Variants in PNPLA5 observed in about 807,000 individuals in gnomAD.
The protein encoded by PNPLA5 is patatin like domain 5, triacylglycerol lipase, also known as patatin-like phospholipase domain-containing protein 5.
Under a neutral mutation model 49.1 loss-of-function variants are expected in PNPLA5, and 44 were observed. The ratio of observed to expected loss-of-function variants is 0.90; its 90% CI spans 0.70 to 1.15. The LOEUF (loss-of-function observed/expected upper bound fraction) is 1.15. PNPLA5 is among the 50% of genes most tolerant of loss of function. PNPLA5 has a pLI of 0.00. For synonymous variants in PNPLA5, 243 were observed against 244.4 expected (o/e 0.99, Z 0.06); for missense variants, 603 against 564.0 (o/e 1.07, Z -0.70).
chr22:43,889,242 C>T, intron 4 of PNPLA5, 87 bp downstream of exon 4: 1 of 1,446,164 alleles, frequency 6.9e-7, no homozygotes, highest in Non-Finnish European at 9.5e-7. Context: ...GCTCGGGGGG[C>T]AGTGGGGGTT....
chr22:43,888,426 CTTTTT>C (rs11408284), intron 4 of PNPLA5, among the ~76,000 whole-genome samples: 2 of 84,364 alleles, frequency 2.4e-5, no homozygotes, highest in African/African-American at 5.3e-5. Context: ...TTCTTTCCTT[CTTTTT>C]TTTTTTTTTT....
chr22:43,882,295 G>A (rs891540217), intron 7 of PNPLA5, among the ~76,000 whole-genome samples: 17 of 152,186 alleles, frequency 1.1e-4, no homozygotes, highest in South Asian at 6.2e-4. Flanking sequence ...TTGGAACTGC[G>A]TGTTATCCCA....
chr22:43,880,910 G>T, intron 8 of PNPLA5, 25 bp from the exon 9 acceptor site: 3 of 1,316,566 alleles, frequency 2.3e-6, no homozygotes, highest in Non-Finnish European at 2.9e-6. Context: ...GAAGCCACGG[G>T]TAAATGCCTG....
Position 43,880,581 on chromosome 22 carries a change from A to C in PNPLA5, c.*214T>G, listed in dbSNP as rs2049598033. On this transcript the variant is annotated 3_prime_UTR_variant, in exon 9 of 9. Coordinates refer to ENST00000216177, the MANE Select transcript of PNPLA5 (RefSeq NM_138814.4). ...GTGGCTGTCCTCCTTTCTCTCCCTG[A>C]TGAGACGGGGCAAGAGGGAGGGCAG... The C allele has an allele frequency of 2.4e-6, 1 of 413,022 alleles. No individual in the cohort carries two copies. The highest frequency in any genetic ancestry group is 4.2e-6 in the Non-Finnish European group (1 of 239,254). The allele number at this position is 413,022 out of a possible 1,614,324, so 25.6% of individuals were successfully genotyped here.
intron 2 of PNPLA5, 84 bp downstream of exon 2, chr22:43,890,978 T>A: frequency 6.6e-7 from 1 of 1,512,636 alleles, no homozygotes; most frequent in Non-Finnish European, 8.9e-7. Flanking sequence ...TGCAGAAACG[T>A]CTGACGGGGA....
intron 8 of PNPLA5, among the ~76,000 whole-genome samples, 167 bp downstream of exon 8, chr22:43,881,390 AG>A (rs1281623537): frequency 1.3e-5 from 2 of 152,228 alleles, no homozygotes; most frequent in African/African-American, 4.8e-5. Flanking sequence ...GGCGCACAGC[AG>A]TGACCAACAC....
chr22:43,891,869 T>C lies in PNPLA5; in HGVS notation c.12A>G (p.Leu4=). MGF[L]EEEGRWNLSF... ...ACAGGTTCCATCTGCCCTCCTCCTC[T>C]AAGAAGCCCATGGCGGGTGGACCGG... Residue 4 remains leucine, a synonymous_variant, in exon 1 of 9, where the codon TTA becomes TTG. Coordinates refer to ENST00000216177, the MANE Select transcript of PNPLA5 (RefSeq NM_138814.4). 1 of 1,514,612 alleles carries C rather than the reference T, an allele frequency of 6.6e-7. No individual in the cohort carries two copies. Among genetic ancestry groups the C allele is most frequent in the African/African-American group, 1.4e-5 (1 of 69,924 alleles). 93.8% of individuals were successfully genotyped at this position (1,514,612 alleles called of 1,614,324 possible). A position where few individuals can be genotyped will look rare whatever the true frequency, so the allele number is the denominator to read the frequency against.
chr22:43,890,841 C>A (rs2049715052), intron 2 of PNPLA5, among the ~76,000 whole-genome samples: 1 of 152,222 alleles, frequency 6.6e-6, no homozygotes, highest in Admixed American at 6.5e-5. Flanking sequence ...CTGACTCTGC[C>A]GGGCCCCAGC....
rs2049729305 is a variant in PNPLA5, at chr22:43,891,834, C to T, written c.47G>A (p.Gly16Asp). The change falls in exon 1 of 9, where the codon GGC (glycine) becomes GAC (aspartate). Residue 16 changes from glycine to aspartate, a missense_variant. Gly to Asp is a moderately conservative substitution (Grantham distance 94). Coordinates refer to ENST00000216177, the MANE Select transcript of PNPLA5 (RefSeq NM_138814.4). The part of the protein sequence containing the change: ...EEGRWNLSFS[G>D]AGYLGAHHVG... ...GTGGTGGGCGCCCAGGTAGCCGGCGCCGGAGAAGGACAGGTTCCATCTGCC... is the reference window on the plus strand; with the variant it reads ...GTGGTGGGCGCCCAGGTAGCCGGCGTCGGAGAAGGACAGGTTCCATCTGCC... 1 of 1,520,154 alleles carries T rather than the reference C, an allele frequency of 6.6e-7. No homozygotes were observed. Among genetic ancestry groups the T allele is most frequent in the Admixed American group, 2.4e-5 (1 of 40,838 alleles). 94.2% of individuals were successfully genotyped at this position (1,520,154 alleles called of 1,614,324 possible).
In PNPLA5 at chr22:43,891,685, C is replaced by T. The variant is rs1023407452; in HGVS notation, c.193+3G>A. 1.3e-6 allele frequency: 2 copies of T among 1,545,406 alleles called. No individual in the cohort carries two copies. The highest frequency in any genetic ancestry group is 1.2e-5 in the South Asian group (1 of 83,540). ...CTTTTCGCCCCCGCGGTCCGGGACTCACCGACCGACTTGCCGCAGACGATG... is the reference window on the plus strand; with the variant it reads ...CTTTTCGCCCCCGCGGTCCGGGACTTACCGACCGACTTGCCGCAGACGATG... On this transcript the variant is annotated splice_donor_region_variant and intron_variant, in intron 1 of 8. Coordinates refer to ENST00000216177, the MANE Select transcript of PNPLA5 (RefSeq NM_138814.4).
chr22:43,881,471 C>T (rs1054352334), intron 8 of PNPLA5, 87 bp downstream of exon 8: 60 of 1,359,724 alleles, frequency 4.4e-5, no homozygotes, highest in South Asian at 7.3e-5. Context: ...ATGGCATGGC[C>T]GGCCTACCCA....
In PNPLA5 at chr22:43,889,408, T is replaced by A; in HGVS notation, c.623A>T (p.Asn208Ile). ...QSTSPNLHEL[N>I]VFNFSFQIST... ...GATTTGGAAGCTGAAGTTGAAGACG[T>A]TCAGCTCATGCAGGTTGGGGGAGGT... is the stretch of plus-strand genomic sequence containing the variant. Residue 208 changes from asparagine to isoleucine, a missense_variant, in exon 4 of 9, where the codon AAC (asparagine) becomes ATC (isoleucine). Coordinates refer to ENST00000216177, the MANE Select transcript of PNPLA5 (RefSeq NM_138814.4). 1 of 1,613,952 alleles carries A rather than the reference T, an allele frequency of 6.2e-7. No homozygotes were observed. Among genetic ancestry groups the A allele is most frequent in the Non-Finnish European group, 8.5e-7 (1 of 1,179,970 alleles).
chr22:43,890,354 G>C (rs1033694047), intron 2 of PNPLA5, among the ~76,000 whole-genome samples: 4 of 152,226 alleles, frequency 2.6e-5, no homozygotes, highest in Non-Finnish European at 5.9e-5. Flanking sequence ...ATATTCAAAA[G>C]TTTGCAAGCT....
intron 6 of PNPLA5, among the ~76,000 whole-genome samples, chr22:43,885,434 T>C (rs1233950636): frequency 9.2e-6 from 1 of 108,474 alleles, no homozygotes; most frequent in Admixed American, 1.1e-4. Context: ...CCTCACTTGC[T>C]CCTCCCACAG....
chr22:43,884,188 C>T (rs1371598135), intron 7 of PNPLA5, 25 bp downstream of exon 7: 11 of 1,494,000 alleles, frequency 7.4e-6, no homozygotes, highest in African/African-American at 1.4e-5. Context: ...CCAGGCCCTT[C>T]CCAGGCCCCC....
At chr22:43,890,458 C>A (rs911267704) in intron 2 of PNPLA5, among the ~76,000 whole-genome samples, 1 of 152,244 alleles carries the variant, frequency 6.6e-6, no homozygotes, top group African/African-American at 2.4e-5. Context: ...TGTGTGCCTG[C>A]ACTTGAGCGT....
At position 43,891,056 on chromosome 22, in the gene PNPLA5, C is replaced by T; in HGVS notation, c.426+6G>A. ...AGCCAAGCCCTGGGCACCCCCCGCC[C>T]CACACCTGGATGAGCTCATCGCAGG... is the stretch of plus-strand genomic sequence containing the variant. On this transcript the variant is annotated splice_donor_region_variant and intron_variant, in intron 2 of 8. Coordinates refer to ENST00000216177, the MANE Select transcript of PNPLA5 (RefSeq NM_138814.4). The T allele has an allele frequency of 6.2e-7, 1 of 1,604,820 alleles. No individual in the cohort carries two copies. Among genetic ancestry groups the T allele is most frequent in the South Asian group, 1.1e-5 (1 of 89,106 alleles).
Position 43,889,455 on chromosome 22 carries a change from T to C in PNPLA5, c.576A>G (p.Thr192=), listed in dbSNP as rs138574794. The part of the protein sequence containing the change: ...STITVSPFHG[T]VDICPQSTSP... ...AGGTGCTCTGGGGGCAGATGTCCAC[T>C]GTCCCATGGAAGGGCGACACCGTGA... The change falls in exon 4 of 9, where the codon ACA becomes ACG. Residue 192 remains threonine, a synonymous_variant. Transcript: ENST00000216177. The C allele has an allele frequency of 6.2e-7, 1 of 1,614,020 alleles. No homozygotes were observed. Among genetic ancestry groups the C allele is most frequent in the African/African-American group, 1.3e-5 (1 of 74,908 alleles).
chr22:43,888,027 T>C (rs927493830), intron 4 of PNPLA5, among the ~76,000 whole-genome samples: 2 of 152,186 alleles, frequency 1.3e-5, no homozygotes, highest in Non-Finnish European at 2.9e-5. Context: ...TGTAGGGCAG[T>C]GGATGGGGGT....
Sources: allele counts gnomAD v4.1 joint callset (sites outside exome capture counted in the v4.1 genomes callset), GRCh38; gene constraint gnomAD v4.1.1; transcripts MANE v1.5; gene names NCBI Gene and HGNC (gene_info 2026-07-23, HGNC 2026-07-21).